Variants in SAE1 observed in about 807,000 individuals in gnomAD.
The protein encoded by SAE1 is SUMO-activating enzyme subunit 1.
Under a neutral mutation model 40.6 loss-of-function variants are expected in SAE1, and 11 were observed. The ratio of observed to expected loss-of-function variants is 0.27; its 90% CI spans 0.17 to 0.45. The LOEUF (loss-of-function observed/expected upper bound fraction) is 0.45. Ranked by LOEUF, SAE1 falls within the 20% of genes least tolerant of loss-of-function variation. SAE1 has a pLI of 1.00. For synonymous variants in SAE1, 155 were observed against 154.3 expected (o/e 1.00, Z -0.03); for missense variants, 373 against 427.3 (o/e 0.87, Z 1.12).
chr19:47,181,097 A>G (rs1231868636), intron 6 of SAE1, among the ~76,000 whole-genome samples: 1 of 152,064 alleles, frequency 6.6e-6, no homozygotes. Context: ...CAGGTGGATC[A>G]CCTGAGGTCG....
rs749218146 is a variant in SAE1 at position 47,142,315 on chromosome 19, C to T, written c.99-1179C>T. Among the ~76,000 whole-genome samples, 34 of 149,052 alleles carry T rather than the reference C, an allele frequency of 2.3e-4. 1 individual carries two copies. Among genetic ancestry groups the T allele is most frequent in the Admixed American group, 6.8e-5 (1 of 14,652 alleles). ...AGGAGAATTGCTTGGACCTGGGAGG[C>T]GGAGGTTGTAGTGAGCTGAGATCAC... is the stretch of plus-strand genomic sequence containing the variant. On this transcript the variant is annotated intron_variant, in intron 1 of 8. Coordinates refer to ENST00000270225, the MANE Select transcript of SAE1 (RefSeq NM_005500.3).
At chr19:47,206,572 C>T (rs748163901) in intron 8 of SAE1, among the ~76,000 whole-genome samples, 7 of 152,192 alleles carry the variant, frequency 4.6e-5, no homozygotes, top group African/African-American at 7.2e-5. Context: ...CCTTTCTCTC[C>T]ATCCCCACCG....
At chr19:47,139,271 T>A (rs1048166000) in intron 1 of SAE1, among the ~76,000 whole-genome samples, 2 of 152,206 alleles carry the variant, frequency 1.3e-5, no homozygotes, top group African/African-American at 4.8e-5. Context: ...CTCCATCTCC[T>A]GAACTCATGG....
At chr19:47,145,506 C>T (rs534657215) in intron 2 of SAE1, among the ~76,000 whole-genome samples, 200 of 152,286 alleles carry the variant, frequency 1.3e-3, no homozygotes, top group Admixed American at 2.6e-3. Flanking sequence ...GTAGCTTTCT[C>T]TGACCAGGCT....
At chr19:47,161,566 T>C (rs2058359922) in intron 5 of SAE1, among the ~76,000 whole-genome samples, 1 of 152,208 alleles carries the variant, frequency 6.6e-6, no homozygotes. Flanking sequence ...CTGCTTGACT[T>C]CCTGTTTTAT....
chr19:47,160,136 T>C (rs2058349870), intron 5 of SAE1, among the ~76,000 whole-genome samples: 1 of 151,938 alleles, frequency 6.6e-6, no homozygotes, highest in Admixed American at 6.6e-5. Context: ...GACAATAGAC[T>C]TGCCCAGAAA....
intron 6 of SAE1, among the ~76,000 whole-genome samples, chr19:47,188,479 T>G (rs1050077794): frequency 1.3e-5 from 2 of 152,072 alleles, no homozygotes; most frequent in Admixed American, 6.5e-5. Context: ...ACAGCTGAAT[T>G]AATGGTAATG....
Position 47,143,610 on chromosome 19 carries a change from G to A in SAE1, c.210+5G>A, listed in dbSNP as rs376720327. The stretch of plus-strand genomic sequence containing the variant: ...ACCATGCTGGATCACGAACAGGTGC[G>A]CTGTTGTGAGCTCATTCCTCCCCTG... On this transcript the variant is annotated splice_donor_5th_base_variant and intron_variant, in intron 2 of 8. Transcript: ENST00000270225. The A allele has an allele frequency of 1.3e-5, 21 of 1,593,372 alleles. No homozygotes were observed. The highest frequency in any genetic ancestry group is 1.1e-4 in the African/African-American group (8 of 74,454).
chr19:47,209,386 G>A lies in SAE1; in HGVS notation c.*135G>A, dbSNP rs2123335399. 4.0e-6 allele frequency: 6 copies of A among 1,482,400 alleles called. No individual in the cohort carries two copies. The highest frequency in any genetic ancestry group is 2.0e-4 in the Middle Eastern group (1 of 4,960). The allele number at this position is 1,482,400 out of a possible 1,614,324, so 91.8% of individuals were successfully genotyped here. A position where few individuals can be genotyped will look rare whatever the true frequency, so the allele number is the denominator to read the frequency against. ...CCCGATACAAAACATTTCCTGCAAC[G>A]AAGGAGGTGGTGCCGACGTGCTGCT... On this transcript the variant is annotated 3_prime_UTR_variant, in exon 9 of 9. Transcript: ENST00000270225.
chr19:47,197,283 T>C lies in SAE1; in HGVS notation c.784T>C (p.Tyr262His). The change falls in exon 7 of 9, where the codon TAT (tyrosine) becomes CAT (histidine). Residue 262 changes from tyrosine to histidine, a missense_variant. Tyr to His is a moderately conservative substitution (Grantham distance 83). Around this residue, in one of 3 missense-constraint regions of SAE1, gnomAD observed 351 missense variants for 390.6 expected, o/e 0.90. Coordinates refer to ENST00000270225, the MANE Select transcript of SAE1 (RefSeq NM_005500.3). The stretch of plus-strand genomic sequence containing the variant: ...AGGAAGAGATCCCAGTTCTGATACA[T>C]ATGAGGAAGATTCTGAGTTGTTGCT... ...DKGRDPSSDT[Y>H]EEDSELLLQI... is the part of the protein sequence containing the mutation. 6.2e-7 allele frequency: 1 copy of C among 1,613,990 alleles called. No homozygotes were observed. The highest frequency in any genetic ancestry group is 8.5e-7 in the Non-Finnish European group (1 of 1,179,890).
At chr19:47,175,861 G>T (rs1283065854) in intron 6 of SAE1, among the ~76,000 whole-genome samples, 3 of 152,230 alleles carry the variant, frequency 2.0e-5, no homozygotes, top group Non-Finnish European at 4.4e-5. Context: ...GATAGTTTTA[G>T]ACACAAAGAT....
At chr19:47,181,176 C>T (rs1424913523) in intron 6 of SAE1, among the ~76,000 whole-genome samples, 2 of 151,882 alleles carry the variant, frequency 1.3e-5, no homozygotes, top group South Asian at 2.1e-4. Context: ...ATTAGCCAGG[C>T]GTGGTGGTGC....
Position 47,155,162 on chromosome 19 carries a change from C to G in SAE1, c.576C>G (p.Pro192=), listed in dbSNP as rs768011497. 3.3e-5 allele frequency: 54 copies of G among 1,613,694 alleles called. No individual in the cohort carries two copies. Among genetic ancestry groups the G allele is most frequent in the South Asian group, 9.9e-5 (9 of 91,050 alleles). Residue 192 remains proline (P), a synonymous_variant, in exon 5 of 9, where the codon CCC becomes CCG. Transcript: ENST00000270225. Reference sequence around the variant, plus strand: ...TTAGCCAAGGAGTAGAAGATGGGCCCGACACCAAGAGAGCAAAACTTGATT... The same window carrying G: ...TTAGCCAAGGAGTAGAAGATGGGCCGGACACCAAGAGAGCAAAACTTGATT... ...AKVSQGVEDG[P]DTKRAKLDSS...
At chr19:47,164,790 A>G (rs1464618759) in intron 5 of SAE1, among the ~76,000 whole-genome samples, 1 of 151,470 alleles carries the variant, frequency 6.6e-6, no homozygotes, top group Non-Finnish European at 1.5e-5. Flanking sequence ...ATGGAACTAC[A>G]GGCACCTGCC....
chr19:47,145,921 G>T (rs1274694145), intron 2 of SAE1, among the ~76,000 whole-genome samples: 3 of 146,806 alleles, frequency 2.0e-5, no homozygotes, highest in Non-Finnish European at 4.4e-5. Flanking sequence ...TCACGGTTTG[G>T]TTCCCATTCT....
chr19:47,183,545 G>A (rs1471999671), intron 6 of SAE1, among the ~76,000 whole-genome samples: 1 of 152,052 alleles, frequency 6.6e-6, no homozygotes, highest in East Asian at 1.9e-4. Flanking sequence ...TTGCAGATGG[G>A]AAACTGAGGC....
intron 6 of SAE1, among the ~76,000 whole-genome samples, chr19:47,191,032 G>T (rs149527903): frequency 4.4e-4 from 67 of 152,314 alleles, no homozygotes; most frequent in African/African-American, 1.5e-3. Context: ...AGCTAGATTT[G>T]AGTTTACATT....
At chr19:47,131,924 C>A (rs2123167558) in intron 1 of SAE1, among the ~76,000 whole-genome samples, 1 of 151,920 alleles carries the variant, frequency 6.6e-6, no homozygotes, top group South Asian at 2.1e-4. Context: ...TGGTCTCGAT[C>A]TCCTTACCTC....
At chr19:47,172,999 C>T in intron 6 of SAE1, among the ~76,000 whole-genome samples, 1 of 152,160 alleles carries the variant, frequency 6.6e-6, no homozygotes, top group South Asian at 2.1e-4. Context: ...CCACTGGAAG[C>T]CAGGTCTGTT....
Sources: gnomAD v4.1 joint callset for allele counts (sites outside exome capture counted in the v4.1 genomes callset) on GRCh38, gnomAD v4.1.1 for gene constraint, gnomAD v4.1.1 regional missense constraint, MANE v1.5 for transcripts, NCBI Gene and HGNC (gene_info 2026-07-23, HGNC 2026-07-21) for gene names.